ITGA5: variants seen among roughly 807,000 people sequenced by gnomAD.
ITGA5 encodes integrin subunit alpha 5, also known as integrin alpha-5.
A neutral mutation model predicts 146.3 loss-of-function variants in ITGA5; 55 were observed. The ratio of observed to expected loss-of-function variants is 0.38; its 90% CI spans 0.30 to 0.47. The LOEUF (loss-of-function observed/expected upper bound fraction) is 0.47. Ranked by LOEUF, ITGA5 falls within the 20% of genes least tolerant of loss-of-function variation. The probability of loss-of-function intolerance (pLI) is 0.99; values close to 1 mark genes in which losing one functional copy is unlikely to be tolerated. For missense variants in ITGA5, 1,131 were observed against 1,329.0 expected, an observed-to-expected ratio of 0.85 and a Z score of 2.32; for synonymous variants, 500 against 531.8, an observed-to-expected ratio of 0.94 and a Z score of 0.82.
intron 28 of ITGA5, among the ~76,000 whole-genome samples, chr12:54,398,299 T>G (rs1174296567): frequency 1.3e-5 from 2 of 152,202 alleles, no homozygotes; most frequent in Non-Finnish European, 2.9e-5. Flanking sequence ...CATCACTTCT[T>G]CCAGGAAGCC....
In ITGA5 at chr12:54,403,773, G is replaced by A. The variant is rs1417703744; in HGVS notation, c.1628C>T (p.Thr543Ile). The stretch of plus-strand genomic sequence containing the variant: ...CTGCCAGTCCAGCTGAAGTTCCACT[G>A]TGAAACCTGAAGCCAGGGACATATA... ...GKHVADSIGF[T>I]VELQLDWQKQ... Residue 543 changes from threonine to isoleucine, a missense_variant, in exon 17 of 30, where the codon ACA (threonine) becomes ATA (isoleucine). Transcript: ENST00000293379. This position sits in a 1 kb window ranked among gnomAD's most constrained non-coding sequence, Gnocchi z 4.9. 1 of 1,613,878 alleles carries A rather than the reference G, an allele frequency of 6.2e-7. No homozygotes were observed. The highest frequency in any genetic ancestry group is 8.5e-7 in the Non-Finnish European group (1 of 1,179,920).
Position 54,416,152 on chromosome 12 carries a change from C to T in ITGA5, c.218+2829G>A, listed in dbSNP as rs1341043487. On this transcript the variant is annotated intron_variant, in intron 1 of 29. Coordinates refer to ENST00000293379, the MANE Select transcript of ITGA5 (RefSeq NM_002205.5). This position sits in a 1 kb window ranked among gnomAD's most constrained non-coding sequence, Gnocchi z 4.1. ...AGATGTGATCTCAGCTCACTGCAAT[C>T]TCTGCCTCCCAGGTTCAAGGGATTC... Among the ~76,000 whole-genome samples, 1 of 152,210 alleles carries T rather than the reference C, an allele frequency of 6.6e-6. No individual in the cohort carries two copies. Among genetic ancestry groups the T allele is most frequent in the Non-Finnish European group, 1.5e-5 (1 of 68,034 alleles).
intron 25 of ITGA5, chr12:54,400,591 G>A (rs903695065): frequency 4.6e-6 from 2 of 436,164 alleles, no homozygotes; most frequent in African/African-American, 2.0e-5. Flanking sequence ...CTTCCTAGAG[G>A]AGGTGGCACA....
intron 1 of ITGA5, among the ~76,000 whole-genome samples, chr12:54,415,189 A>C (rs1955992400): frequency 6.6e-6 from 1 of 152,192 alleles, no homozygotes; most frequent in Non-Finnish European, 1.5e-5. Context: ...GAGAAAAGGA[A>C]TTCATTATTT....
In ITGA5 at chr12:54,403,585, C is replaced by T. The variant is rs754639515; in HGVS notation, c.1776+40G>A. The T allele has an allele frequency of 1.3e-6, 2 of 1,583,772 alleles. No individual in the cohort carries two copies. The highest frequency in any genetic ancestry group is 1.3e-5 in the African/African-American group (1 of 74,218). ...AGGTGCCCTCAGTTCTGTGTGGCCA[C>T]CCTCCCTGGCCAGTCCACACCCCGC... On this transcript the variant is annotated intron_variant, in intron 17 of 29. Transcript: ENST00000293379. This position sits in a 1 kb window ranked among gnomAD's most constrained non-coding sequence, Gnocchi z 4.9.
rs1476948713 is a variant in ITGA5, at chr12:54,403,141, C to A, written c.1914+46G>T. 1.3e-6 allele frequency: 2 copies of A among 1,591,138 alleles called. No individual in the cohort carries two copies. Among genetic ancestry groups the A allele is most frequent in the African/African-American group, 2.7e-5 (2 of 73,812 alleles). The stretch of plus-strand genomic sequence containing the variant: ...TTCCATGGCCCTGCCCCCCCAATAC[C>A]CAGGCCTCTGTCTTCCCAGGTCCCT... On this transcript the variant is annotated intron_variant, in intron 18 of 29. Coordinates refer to ENST00000293379, the MANE Select transcript of ITGA5 (RefSeq NM_002205.5). The surrounding 1 kb of genome is among the most constrained non-coding windows in gnomAD (Gnocchi z 4.9).
At chr12:54,398,835 CTTTT>C (rs34443272) in intron 27 of ITGA5, 137 bp from the exon 28 acceptor site, 1,588 of 218,038 alleles carry the variant, frequency 7.3e-3, no homozygotes, top group Middle Eastern at 0.019. Flanking sequence ...CTCTCTCTCT[CTTTT>C]TTTTTTTTTT....
chr12:54,404,999 A>G, intron 12 of ITGA5, 105 bp from the exon 13 acceptor site: 1 of 1,197,864 alleles, frequency 8.3e-7, no homozygotes, highest in Non-Finnish European at 1.2e-6. Flanking sequence ...CCCATCTGTC[A>G]GTCCCTATAT....
Position 54,403,304 on chromosome 12 carries a change from G to T in ITGA5, c.1797C>A (p.Asp599Glu). Residue 599 changes from aspartate to glutamate, a missense_variant, in exon 18 of 30, where the codon GAC (aspartate) becomes GAA (glutamate). Coordinates refer to ENST00000293379, the MANE Select transcript of ITGA5 (RefSeq NM_002205.5). This position sits in a 1 kb window ranked among gnomAD's most constrained non-coding sequence, Gnocchi z 4.9. ...IYLRNESEFR[D>E]KLSPIHIALN... is the part of the protein sequence containing the mutation. ...GAGCGATGTGAATCGGCGAGAGTTTGTCTCGAAATTCTGACTCGTTCTGGG... is the reference window on the plus strand; with the variant it reads ...GAGCGATGTGAATCGGCGAGAGTTTTTCTCGAAATTCTGACTCGTTCTGGG... The T allele has an allele frequency of 6.5e-7, 1 of 1,535,156 alleles. No homozygotes were observed. The highest frequency in any genetic ancestry group is 8.7e-7 in the Non-Finnish European group (1 of 1,143,540).
intron 28 of ITGA5, 55 bp from the exon 29 acceptor site, chr12:54,397,542 T>C: frequency 1.2e-6 from 2 of 1,604,232 alleles, no homozygotes; most frequent in Non-Finnish European, 1.7e-6. Flanking sequence ...TTCTACCCTA[T>C]ACTTGGCCCC....
intron 29 of ITGA5, among the ~76,000 whole-genome samples, chr12:54,396,837 C>G (rs1386685794): frequency 6.6e-6 from 1 of 152,088 alleles, no homozygotes; most frequent in Non-Finnish European, 1.5e-5. Context: ...GCACGCACCA[C>G]CAAACCTGGC....
chr12:54,401,565 C>G lies in ITGA5; in HGVS notation c.2387+20G>C. On this transcript the variant is annotated intron_variant, in intron 23 of 29. Transcript: ENST00000293379. The surrounding 1 kb of genome is among the most constrained non-coding windows in gnomAD (Gnocchi z 5.0). Reference sequence around the variant, plus strand: ...GTCTGTGTCCCCTCTCAGAAAGACCCCATTTTGCCTGGCACTGACCCGTTC... The same window carrying G: ...GTCTGTGTCCCCTCTCAGAAAGACCGCATTTTGCCTGGCACTGACCCGTTC... 1 of 1,613,204 alleles carries G rather than the reference C, an allele frequency of 6.2e-7. No homozygotes were observed. Among genetic ancestry groups the G allele is most frequent in the Middle Eastern group, 1.7e-4 (1 of 6,060 alleles).
Position 54,405,200 on chromosome 12 carries a change from G to T in ITGA5, c.1191C>A (p.Thr397=). The change falls in exon 12 of 30, where the codon ACC becomes ACA. Residue 397 remains threonine (T), a synonymous_variant. Coordinates refer to ENST00000293379, the MANE Select transcript of ITGA5 (RefSeq NM_002205.5). The part of the protein sequence containing the change: ...DEFGRFGSSL[T]PLGDLDQDGY... ...CATCCTGGTCCAGGTCCCCCAGGGG[G>T]GTCAAGGAGCTGCCAAATCGGCCAA... The T allele has an allele frequency of 6.2e-7, 1 of 1,611,374 alleles. No homozygotes were observed.
chr12:54,411,766 C>A, intron 2 of ITGA5, 68 bp downstream of exon 2: 1 of 1,368,920 alleles, frequency 7.3e-7, no homozygotes, highest in East Asian at 2.8e-5. Flanking sequence ...CGCCCCAGGC[C>A]CCACCCAGGC....
intron 12 of ITGA5, 82 bp from the exon 13 acceptor site, chr12:54,404,976 G>A: frequency 4.6e-6 from 6 of 1,296,076 alleles, no homozygotes; most frequent in Non-Finnish European, 6.3e-6. Flanking sequence ...CAGGACCTAG[G>A]ATCCTATTTT....
In ITGA5 at chr12:54,401,625, G is replaced by C; in HGVS notation, c.2347C>G (p.Arg783Gly). The change falls in exon 23 of 30, where the codon CGG becomes GGG. Residue 783 changes from arginine (R) to glycine (G), a missense_variant. Transcript: ENST00000293379. This position sits in a 1 kb window ranked among gnomAD's most constrained non-coding sequence, Gnocchi z 5.0. ...NNSQSDVVSFRLSVEAQAQVT... is the reference protein window; with the variant it reads ...NNSQSDVVSFGLSVEAQAQVT... ...TGGGCCTGAGCCTCCACGGAGAGCC[G>C]AAAGGAAACCACGTCGCTTTGCGAG... is the stretch of plus-strand genomic sequence containing the variant. The C allele has an allele frequency of 6.2e-7, 1 of 1,614,188 alleles. No homozygotes were observed. The highest frequency in any genetic ancestry group is 1.3e-5 in the African/African-American group (1 of 75,032).
In ITGA5 at chr12:54,419,022, G is replaced by A; in HGVS notation, c.177C>T (p.Phe59=). 6.2e-7 allele frequency: 1 copy of A among 1,604,258 alleles called. No homozygotes were observed. Among genetic ancestry groups the A allele is most frequent in the Non-Finnish European group, 8.5e-7 (1 of 1,176,314 alleles). ...GGTAAAACTCCACTGAGAATCCGAA[G>A]AAGGAGCCCGGGGGCCCCGAGAGTA... ...PAVLSGPPGS[F]FGFSVEFYRP... The change falls in exon 1 of 30, where the codon TTC becomes TTT. Residue 59 remains phenylalanine (F), a synonymous_variant. Coordinates refer to ENST00000293379, the MANE Select transcript of ITGA5 (RefSeq NM_002205.5).
Position 54,405,171 on chromosome 12 carries a change from T to C in ITGA5, c.1220A>G (p.Tyr407Cys), listed in dbSNP as rs1420884339. The C allele has an allele frequency of 1.3e-6, 2 of 1,597,980 alleles. No individual in the cohort carries two copies. Among genetic ancestry groups the C allele is most frequent in the Non-Finnish European group, 1.7e-6 (2 of 1,170,014 alleles). The change falls in exon 12 of 30, where the codon TAC becomes TGC. Residue 407 changes from tyrosine (Y) to cysteine (C), a missense_variant. Physicochemically the swap from Tyr to Cys is radical, Grantham distance 194 (BLOSUM62 -2). This residue lies in a region of ITGA5 where 889 missense variants were observed against 1,021.5 expected (regional missense o/e 0.87). Coordinates refer to ENST00000293379, the MANE Select transcript of ITGA5 (RefSeq NM_002205.5). ...TCTGAGCCCATGGTACTCACCATTGTAGCCATCCTGGTCCAGGTCCCCCAG... is the reference window on the plus strand; with the variant it reads ...TCTGAGCCCATGGTACTCACCATTGCAGCCATCCTGGTCCAGGTCCCCCAG... ...TPLGDLDQDGYNDVAIGAPFG... is the reference protein window; with the variant it reads ...TPLGDLDQDGCNDVAIGAPFG...
intron 26 of ITGA5, 44 bp downstream of exon 26, chr12:54,399,820 G>A (rs778350915): frequency 1.2e-6 from 2 of 1,605,726 alleles, no homozygotes; most frequent in South Asian, 1.1e-5. Context: ...GAACCCCAGA[G>A]TACTCAACAC....
Sources: allele counts gnomAD v4.1 joint callset (sites outside exome capture counted in the v4.1 genomes callset), GRCh38; gene constraint gnomAD v4.1.1; regional missense constraint gnomAD v4.1.1; non-coding constraint Gnocchi (gnomAD v3.1); transcripts MANE v1.5; gene names NCBI Gene and HGNC (gene_info 2026-07-23, HGNC 2026-07-21).